Variants in ADH5 observed in about 807,000 individuals in gnomAD.
The protein encoded by ADH5 is alcohol dehydrogenase class-3.
Under a neutral mutation model 40.3 loss-of-function variants are expected in ADH5, and 32 were observed. The observed-to-expected ratio is 0.79, with a 90% CI of 0.60 to 1.07. The LOEUF (loss-of-function observed/expected upper bound fraction) is 1.07, where lower values mean the gene tolerates loss of function less well. Among genes scored for constraint, ADH5 ranks in the 50% least tolerant of loss-of-function variants. The pLI is 0.00. For synonymous variants in ADH5, 125 were observed against 154.3 expected, an observed-to-expected ratio of 0.81 and a Z score of 1.41; for missense variants, 353 against 460.5, an observed-to-expected ratio of 0.77 and a Z score of 2.14.
rs751379032 is a variant in ADH5 at position 99,076,400 on chromosome 4, T to C, written c.717A>G (p.Glu239=). 7 of 1,614,184 alleles carry C rather than the reference T, an allele frequency of 4.3e-6. No homozygotes were observed. Among genetic ancestry groups the C allele is most frequent in the Non-Finnish European group, 5.9e-6 (7 of 1,180,026 alleles). Residue 239 remains glutamate, a synonymous_variant, in exon 6 of 9, where the codon GAA becomes GAG. Transcript: ENST00000296412. ...TACTAAAATCCTGAGGGTTAATACA[T>C]TCAGTGGCTCCAAACTCTTTGGCCC... The part of the protein sequence containing the change: ...FARAKEFGAT[E]CINPQDFSKP...
intron 7 of ADH5, among the ~76,000 whole-genome samples, chr4:99,074,177 A>AT (rs574585011): frequency 3.3e-5 from 5 of 152,100 alleles, no homozygotes; most frequent in Middle Eastern, 3.4e-3. Flanking sequence ...ACACTATGTG[A>AT]TTTTTTTTCT....
rs1259389913 is a variant in ADH5, at chr4:99,071,676, G to C, written c.*741C>G. ...AAATTGTGGATAATTGTTACCTCTG[G>C]AGGGGAGGAATGGCAATGTGATCTC... is the stretch of plus-strand genomic sequence containing the variant. On this transcript the variant is annotated 3_prime_UTR_variant, in exon 9 of 9. Coordinates refer to ENST00000296412, the MANE Select transcript of ADH5 (RefSeq NM_000671.4). 6.6e-6 allele frequency: 1 copy of C among 152,256 alleles called. No individual in the cohort carries two copies. The highest frequency in any genetic ancestry group is 1.9e-4 in the East Asian group (1 of 5,200). The allele number at this position is 152,256 out of a possible 1,614,324, so 9.4% of individuals were successfully genotyped here. A position where few individuals can be genotyped will look rare whatever the true frequency, so the allele number is the denominator to read the frequency against.
intron 4 of ADH5, among the ~76,000 whole-genome samples, chr4:99,079,063 C>T (rs937063030): frequency 6.6e-6 from 1 of 152,176 alleles, no homozygotes; most frequent in African/African-American, 2.4e-5. Context: ...ATCTCCCATA[C>T]AATGCTGGTG....
At chr4:99,072,769 A>G in intron 7 of ADH5, 58 bp from the exon 8 acceptor site, 1 of 1,508,660 alleles carries the variant, frequency 6.6e-7, no homozygotes, top group Non-Finnish European at 9.0e-7. Flanking sequence ...CTTGTTACTT[A>G]GCTGAGGACA....
intron 4 of ADH5, among the ~76,000 whole-genome samples, chr4:99,077,387 G>A (rs1338238375): frequency 6.6e-6 from 1 of 151,948 alleles, no homozygotes; most frequent in African/African-American, 2.4e-5. Context: ...AGGTGTAGCG[G>A]AGCACGTGCC....
intron 1 of ADH5, among the ~76,000 whole-genome samples, chr4:99,088,456 C>T (rs1157506634): frequency 6.8e-6 from 1 of 146,870 alleles, no homozygotes; most frequent in East Asian, 2.3e-4. Flanking sequence ...CCCCCCACCC[C>T]GTTCCGACTG....
intron 7 of ADH5, among the ~76,000 whole-genome samples, chr4:99,074,035 C>G (rs763815747): frequency 6.6e-6 from 1 of 152,080 alleles, no homozygotes; most frequent in Non-Finnish European, 1.5e-5. Context: ...TTATAAAGAA[C>G]GAAGATTTTG....
intron 1 of ADH5, among the ~76,000 whole-genome samples, chr4:99,086,286 T>C (rs1034975507): frequency 7.9e-6 from 1 of 126,768 alleles, no homozygotes. Flanking sequence ...TGACTAATTA[T>C]AGCACACAGA....
chr4:99,082,568 G>A (rs1255776040), intron 2 of ADH5, among the ~76,000 whole-genome samples: 2 of 152,186 alleles, frequency 1.3e-5, no homozygotes, highest in Non-Finnish European at 2.9e-5. Flanking sequence ...GTCTGCTTGA[G>A]TCTGGACCAA....
chr4:99,079,116 A>G (rs879660168), intron 4 of ADH5, among the ~76,000 whole-genome samples: 4 of 152,248 alleles, frequency 2.6e-5, no homozygotes, highest in Non-Finnish European at 1.5e-5. Flanking sequence ...CTGTAGATGC[A>G]TATCTTACGA....
At position 99,072,784 on chromosome 4, in the gene ADH5, G is replaced by A. The variant is rs1020691770; in HGVS notation, c.962-73C>T. On this transcript the variant is annotated intron_variant, in intron 7 of 8. Coordinates refer to ENST00000296412, the MANE Select transcript of ADH5 (RefSeq NM_000671.4). ...CTTGTTACTTAGCTGAGGACAAAAG[G>A]CATTTAAAAGAATGAATTTTTTGAT... The A allele has an allele frequency of 2.4e-5, 33 of 1,389,700 alleles. No homozygotes were observed. In the African/African-American group the frequency reaches 4.2e-4, roughly 18 times the overall value. The allele number at this position is 1,389,700 out of a possible 1,614,324, so 86.1% of individuals were successfully genotyped here.
In ADH5 at chr4:99,076,897, G is replaced by A. The variant is rs1045692507; in HGVS notation, c.371C>T (p.Pro124Leu). The change falls in exon 5 of 9, where the codon CCA becomes CTA. Residue 124 changes from proline (P) to leucine (L), a missense_variant. Physicochemically the swap from Pro to Leu is moderately conservative, Grantham distance 98. Coordinates refer to ENST00000296412, the MANE Select transcript of ADH5 (RefSeq NM_000671.4). ...GCAAGTAAATCTGCTGGTACCATCT[G>A]GCATTAATCCTTTCCCTTGAGTGAC... is the stretch of plus-strand genomic sequence containing the variant. ...IRVTQGKGLM[P>L]DGTSRFTCKG... 3.1e-6 allele frequency: 5 copies of A among 1,613,364 alleles called. No individual in the cohort carries two copies. Among genetic ancestry groups the A allele is most frequent in the Non-Finnish European group, 4.2e-6 (5 of 1,179,650 alleles).
intron 8 of ADH5, 50 bp downstream of exon 8, chr4:99,072,523 C>G: frequency 6.2e-7 from 1 of 1,609,004 alleles, no homozygotes; most frequent in Non-Finnish European, 8.5e-7. Flanking sequence ...TCCATCCCCT[C>G]AAACTCAACA....
At chr4:99,084,956 T>C (rs1055421175) in intron 2 of ADH5, among the ~76,000 whole-genome samples, 159 bp downstream of exon 2, 1 of 152,252 alleles carries the variant, frequency 6.6e-6, no homozygotes, top group Admixed American at 6.5e-5. Context: ...AGGTGAAAGA[T>C]AAGAGAAGGA....
intron 1 of ADH5, among the ~76,000 whole-genome samples, chr4:99,087,527 C>A (rs1728170847): frequency 6.6e-6 from 1 of 152,072 alleles, no homozygotes; most frequent in African/African-American, 2.4e-5. Context: ...GAACCTTTTT[C>A]ATTTCAATGT....
Position 99,076,694 on chromosome 4 carries a change from A to G in ADH5, c.564+10T>C. On this transcript the variant is annotated intron_variant, in intron 5 of 8. Coordinates refer to ENST00000296412, the MANE Select transcript of ADH5 (RefSeq NM_000671.4). ...AAGGCAGAAGCAAAAAACCCAAGTC[A>G]GTCTCTTACCTTGGCAGTGTTCACA... The G allele has an allele frequency of 3.7e-6, 6 of 1,610,060 alleles. No homozygotes were observed. The highest frequency in any genetic ancestry group is 5.1e-6 in the Non-Finnish European group (6 of 1,178,552).
At chr4:99,082,510 G>A (rs1253401158) in intron 2 of ADH5, among the ~76,000 whole-genome samples, 8 of 152,122 alleles carry the variant, frequency 5.3e-5, no homozygotes, top group East Asian at 1.9e-4. Context: ...CATGACAGCT[G>A]GGAAATATGA....
intron 1 of ADH5, among the ~76,000 whole-genome samples, chr4:99,086,323 T>C (rs918082160): frequency 1.3e-5 from 2 of 152,192 alleles, no homozygotes; most frequent in African/African-American, 4.8e-5. Context: ...TAGTCATGTA[T>C]ACCCTCCATT....
chr4:99,075,395 T>A (rs1727906786), intron 6 of ADH5: 1 of 156,144 alleles, frequency 6.4e-6, no homozygotes, highest in African/African-American at 2.4e-5. Context: ...CTAATTTTCG[T>A]ATTTCTAGTT....
Sources: allele counts gnomAD v4.1 joint callset (sites outside exome capture counted in the v4.1 genomes callset), GRCh38; gene constraint gnomAD v4.1.1; transcripts MANE v1.5; gene names NCBI Gene and HGNC (gene_info 2026-07-23, HGNC 2026-07-21).